Variants in GRID1 observed in about 807,000 individuals in gnomAD.
The protein encoded by GRID1 is glutamate receptor ionotropic, delta-1.
In GRID1, 28 loss-of-function variants were observed where a neutral mutation model predicts 98.0. The observed-to-expected ratio is 0.29, with a 90% CI of 0.21 to 0.39. The LOEUF is 0.39. GRID1 is among the 10% of genes least tolerant of loss of function. The pLI is 1.00. For missense variants in GRID1, 1,111 were observed against 1,340.5 expected (o/e 0.83, Z 2.67); for synonymous variants, 553 against 538.5 (o/e 1.03, Z -0.37).
At chr10:86,152,706 G>C (rs909363392) in intron 3 of GRID1, among the ~76,000 whole-genome samples, 1 of 152,176 alleles carries the variant, frequency 6.6e-6, no homozygotes, top group Non-Finnish European at 1.5e-5. Context: ...GCTGTCTAGG[G>C]GTAGGACCAC....
intron 4 of GRID1, among the ~76,000 whole-genome samples, chr10:85,976,625 C>G (rs1022459329): frequency 6.6e-6 from 1 of 152,236 alleles, no homozygotes; most frequent in African/African-American, 2.4e-5. Flanking sequence ...GTGCGTGCAC[C>G]TCCAGGAGGG....
At chr10:85,959,365 G>A (rs547527136) in intron 4 of GRID1, among the ~76,000 whole-genome samples, 1 of 152,238 alleles carries the variant, frequency 6.6e-6, no homozygotes, top group Non-Finnish European at 1.5e-5. Flanking sequence ...AAGACGAGGT[G>A]CAGCAGGGTC....
At chr10:85,900,392 T>C (rs12773496) in intron 5 of GRID1, among the ~76,000 whole-genome samples, 1,940 of 152,316 alleles carry the variant, frequency 0.013, 14 homozygotes, top group Non-Finnish European at 0.02. Context: ...CCAGAATCCA[T>C]TTGCTGGAAG....
At chr10:85,634,295 A>ATT (rs1564684031) in intron 13 of GRID1, among the ~76,000 whole-genome samples, 1,801 of 88,082 alleles carry the variant, frequency 0.02, 35 homozygotes, top group African/African-American at 0.073. Context: ...TCTCTCTCAC[A>ATT]CACACACACA....
intron 2 of GRID1, among the ~76,000 whole-genome samples, chr10:86,302,067 C>T (rs567472791): frequency 6.6e-6 from 1 of 152,340 alleles, no homozygotes; most frequent in Admixed American, 6.5e-5. Flanking sequence ...TACTTCTGTG[C>T]TAAAAGCCTC....
chr10:86,014,515 G>A (rs1842957864), intron 4 of GRID1, among the ~76,000 whole-genome samples: 1 of 152,220 alleles, frequency 6.6e-6, no homozygotes, highest in African/African-American at 2.4e-5. Context: ...CCACAAGAAA[G>A]TCACCAGAAG....
At chr10:85,751,644 A>G (rs1842046697) in intron 8 of GRID1, among the ~76,000 whole-genome samples, 1 of 152,130 alleles carries the variant, frequency 6.6e-6, no homozygotes, top group African/African-American at 2.4e-5. Flanking sequence ...TATATTATTT[A>G]AAAAAGAAAA....
chr10:85,772,747 C>A (rs1196840773), intron 8 of GRID1, among the ~76,000 whole-genome samples: 4 of 152,334 alleles, frequency 2.6e-5, no homozygotes, highest in African/African-American at 4.8e-5. Context: ...TTCCTCGACA[C>A]ATACACCCTC....
chr10:85,962,834 A>G (rs969147362), intron 4 of GRID1, among the ~76,000 whole-genome samples: 1 of 152,150 alleles, frequency 6.6e-6, no homozygotes, highest in Non-Finnish European at 1.5e-5. Context: ...TCCTTAATTC[A>G]ATACACAATT....
intron 2 of GRID1, among the ~76,000 whole-genome samples, chr10:86,223,370 C>G (rs573345605): frequency 6.6e-6 from 1 of 152,358 alleles, no homozygotes; most frequent in African/African-American, 2.4e-5. Flanking sequence ...AGAGAAGGAA[C>G]AGGAAGCTGC....
chr10:85,948,798 A>G (rs1842083021), intron 4 of GRID1, among the ~76,000 whole-genome samples: 1 of 152,244 alleles, frequency 6.6e-6, no homozygotes, highest in Admixed American at 6.5e-5. Flanking sequence ...AAGTATATAC[A>G]GTATTTTCAA....
chr10:86,197,523 T>A (rs1298169596), intron 3 of GRID1, among the ~76,000 whole-genome samples: 1 of 151,996 alleles, frequency 6.6e-6, no homozygotes, highest in Non-Finnish European at 1.5e-5. Context: ...CTGGGGAGTG[T>A]GGGTCTGGCA....
chr10:85,685,132 C>G (rs1449151004), intron 12 of GRID1, among the ~76,000 whole-genome samples: 2 of 152,112 alleles, frequency 1.3e-5, no homozygotes, highest in African/African-American at 4.8e-5. Context: ...AAGATTGTAA[C>G]AAGATCATGA....
intron 8 of GRID1, among the ~76,000 whole-genome samples, chr10:85,768,423 A>T (rs1038234854): frequency 6.6e-5 from 10 of 151,936 alleles, no homozygotes; most frequent in Middle Eastern, 3.4e-3. Flanking sequence ...TAAAAAAAAA[A>T]TGATAATAAC....
chr10:85,661,057 A>G (rs35192567), intron 12 of GRID1, among the ~76,000 whole-genome samples: 2,590 of 152,232 alleles, frequency 0.017, 43 homozygotes, highest in Non-Finnish European at 0.026. Context: ...AGTTTCTCCA[A>G]TGATTAAATG....
chr10:86,113,777 A>T lies in GRID1; in HGVS notation c.726+25042T>A, dbSNP rs192805792. On this transcript the variant is annotated intron_variant, in intron 4 of 15. Transcript: ENST00000327946. ...GCTCATCAAGAAGACCACAAAGTTC[A>T]TGCATCTATCTTCAGATAACCGAGG... Among the ~76,000 whole-genome samples, 514 of 152,270 alleles carry T rather than the reference A, an allele frequency of 3.4e-3. 2 individuals are homozygous for T. Among genetic ancestry groups the T allele is most frequent in the African/African-American group, 0.012 (493 of 41,556 alleles).
At chr10:86,359,332 C>T (rs1031863299) in intron 2 of GRID1, among the ~76,000 whole-genome samples, 7 of 152,122 alleles carry the variant, frequency 4.6e-5, no homozygotes, top group Admixed American at 6.5e-5. Flanking sequence ...ACGAAGATGC[C>T]GGAAGCCATC....
chr10:86,008,334 A>G (rs1333303716), intron 4 of GRID1, among the ~76,000 whole-genome samples: 1 of 152,200 alleles, frequency 6.6e-6, no homozygotes, highest in Non-Finnish European at 1.5e-5. Flanking sequence ...GACAAAGACC[A>G]CCAACCCAGT....
chr10:86,265,593 C>T (rs1847092164), intron 2 of GRID1, among the ~76,000 whole-genome samples: 5 of 152,204 alleles, frequency 3.3e-5, no homozygotes, highest in Admixed American at 3.3e-4. Flanking sequence ...TGTTCTCACC[C>T]CATGAGTAAA....
Sources: allele counts gnomAD v4.1 joint callset (sites outside exome capture counted in the v4.1 genomes callset), GRCh38; gene constraint gnomAD v4.1.1; transcripts MANE v1.5; gene names NCBI Gene and HGNC (gene_info 2026-07-23, HGNC 2026-07-21).